Variants in KCTD2 observed in about 807,000 individuals in gnomAD.
KCTD2 encodes the protein potassium channel tetramerization domain containing 2.
A neutral mutation model predicts 27.9 loss-of-function variants in KCTD2; 18 were observed. That is an observed-to-expected ratio of 0.64 (90% CI 0.45 to 0.96). The LOEUF is 0.96. KCTD2 is among the 40% of genes least tolerant of loss of function. The pLI is 0.00. For synonymous variants in KCTD2, 175 were observed against 148.4 expected (o/e 1.18, Z -1.30); for missense variants, 280 against 348.0 (o/e 0.80, Z 1.56).
rs2144949459 is a variant in KCTD2, at chr17:75,065,855, G to C, written c.*2808G>C. 6.6e-6 allele frequency: 1 copy of C among 152,350 alleles called. No homozygotes were observed. The highest frequency in any genetic ancestry group is 2.4e-5 in the African/African-American group (1 of 41,580). 9.4% of individuals were successfully genotyped at this position (152,350 alleles called of 1,614,324 possible). On this transcript the variant is annotated 3_prime_UTR_variant, in exon 6 of 6. Transcript: ENST00000322444. Reference sequence around the variant, plus strand: ...TCTGAAATGCTGTGACTTTTTTTGTGTGAATAAAGATATGAAACTTCTGAA... The same window carrying C: ...TCTGAAATGCTGTGACTTTTTTTGTCTGAATAAAGATATGAAACTTCTGAA...
At chr17:75,036,976 T>C (rs2073107715) in intron 3 of KCTD2, among the ~76,000 whole-genome samples, 1 of 152,142 alleles carries the variant, frequency 6.6e-6, no homozygotes, top group South Asian at 2.1e-4. Flanking sequence ...ACCCAGGCTC[T>C]CCTCTGCTTA....
Position 75,059,619 on chromosome 17 carries a change from C to A in KCTD2, c.636+14C>A. On this transcript the variant is annotated intron_variant, in intron 4 of 5. Coordinates refer to ENST00000322444, the MANE Select transcript of KCTD2 (RefSeq NM_015353.3). The stretch of plus-strand genomic sequence containing the variant: ...AAATTCGAACAGGTACATCTCTTAA[C>A]AGAGCAGCAATCCCAGGCCCCGTTC... 4 of 1,603,420 alleles carry A rather than the reference C, an allele frequency of 2.5e-6. No individual in the cohort carries two copies. Among genetic ancestry groups the A allele is most frequent in the Non-Finnish European group, 3.4e-6 (4 of 1,170,768 alleles).
chr17:75,034,520 C>T (rs751275161), intron 2 of KCTD2, among the ~76,000 whole-genome samples: 34 of 152,284 alleles, frequency 2.2e-4, no homozygotes, highest in South Asian at 1.5e-3. Flanking sequence ...AGACGCTAAA[C>T]CCACGTGCTC....
rs12602540 is a variant in KCTD2 at position 75,064,016 on chromosome 17, G to A, written c.*969G>A. 0.094 allele frequency: 14,398 copies of A among 152,798 alleles called. 1,523 individuals are homozygous for A. The highest frequency in any genetic ancestry group is 0.62 in the East Asian group (3,197 of 5,174). 9.5% of individuals were successfully genotyped at this position (152,798 alleles called of 1,614,324 possible). ...AGAGAGTTATTTCTGTGACTCTCTTGGAAATGCCTTGACTGAATGTGCAAT... is the reference window on the plus strand; with the variant it reads ...AGAGAGTTATTTCTGTGACTCTCTTAGAAATGCCTTGACTGAATGTGCAAT... On this transcript the variant is annotated 3_prime_UTR_variant, in exon 6 of 6. Coordinates refer to ENST00000322444, the MANE Select transcript of KCTD2 (RefSeq NM_015353.3).
chr17:75,033,733 T>C (rs2040084998), intron 1 of KCTD2, among the ~76,000 whole-genome samples: 1 of 152,158 alleles, frequency 6.6e-6, no homozygotes, highest in South Asian at 2.1e-4. Flanking sequence ...TGGTGCTCGC[T>C]AAGTAAGGAT....
intron 3 of KCTD2, among the ~76,000 whole-genome samples, chr17:75,056,952 CTTTT>C (rs35875644): frequency 9.3e-6 from 1 of 107,992 alleles, no homozygotes; most frequent in African/African-American, 3.6e-5. Flanking sequence ...TTTCTTTTTT[CTTTT>C]TTTTTTTTTT....
At position 75,059,512 on chromosome 17, in the gene KCTD2, C is replaced by A; in HGVS notation, c.543C>A (p.Gly181=). Residue 181 remains glycine (G), a splice_region_variant and synonymous_variant, in exon 4 of 6, where the codon GGC becomes GGA. Coordinates refer to ENST00000322444, the MANE Select transcript of KCTD2 (RefSeq NM_015353.3). ...IRDNENRTSQ[G]PVKHVYRVLQ... is the part of the protein sequence containing the mutation. ...CAGTCTGCGCCTGGTCATTGCAGGG[C>A]CCCGTGAAGCACGTGTACAGAGTCC... The A allele has an allele frequency of 6.2e-7, 1 of 1,611,422 alleles. No individual in the cohort carries two copies. Among genetic ancestry groups the A allele is most frequent in the Non-Finnish European group, 8.5e-7 (1 of 1,178,268 alleles).
At chr17:75,061,964 T>TC (rs1167480162) in intron 4 of KCTD2, among the ~76,000 whole-genome samples, 156 bp from the exon 5 acceptor site, 1 of 151,928 alleles carries the variant, frequency 6.6e-6, no homozygotes, top group Non-Finnish European at 1.5e-5. Flanking sequence ...CAGGCCCATT[T>TC]CTCCCCGGGG....
At chr17:75,049,880 T>A (rs780446191) in intron 2 of KCTD2, among the ~76,000 whole-genome samples, 2 of 152,232 alleles carry the variant, frequency 1.3e-5, no homozygotes, top group Non-Finnish European at 2.9e-5. Flanking sequence ...GGACTATAAG[T>A]GGGTCTAGTC....
chr17:75,039,949 C>T, intron 3 of KCTD2: 2 of 831,076 alleles, frequency 2.4e-6, no homozygotes, highest in Non-Finnish European at 3.9e-6. Context: ...GAAATTCGTC[C>T]ATGTTGTTGC....
At chr17:75,044,023 C>CT (rs11312083), upstream of KCTD2, among the ~76,000 whole-genome samples, 795 of 127,690 alleles carry the variant, frequency 6.2e-3, 3 homozygotes, top group South Asian at 0.014. Flanking sequence ...ACGTTGTGCA[C>CT]TTTTTTTTTT....
At chr17:75,057,841 G>GTCC (rs1465540256) in intron 3 of KCTD2, among the ~76,000 whole-genome samples, 4 of 151,900 alleles carry the variant, frequency 2.6e-5, no homozygotes, top group Non-Finnish European at 5.9e-5. Context: ...GATTATAGGC[G>GTCC]TGAGTCACTG....
chr17:75,059,134 ATAATAATTT>A (rs2073379151), intron 3 of KCTD2: 1 of 151,900 alleles, frequency 6.6e-6, no homozygotes, highest in African/African-American at 2.4e-5. Flanking sequence ...ATAATAAATA[ATAATAATTT>A]TACCTTATTT....
At chr17:75,062,284 C>G in intron 5 of KCTD2, 39 bp downstream of exon 5, 2 of 1,587,616 alleles carry the variant, frequency 1.3e-6, no homozygotes, top group African/African-American at 2.7e-5. Flanking sequence ...CTCTGGCTTG[C>G]TTGTTCGCAC....
intron 4 of KCTD2, among the ~76,000 whole-genome samples, chr17:75,061,862 AC>A (rs1345138959): frequency 2.7e-5 from 4 of 149,886 alleles, no homozygotes; most frequent in African/African-American, 9.8e-5. Context: ...CCTGCCGCTG[AC>A]GGGGGGGGAC....
At chr17:75,053,194 G>C (rs976450315) in intron 3 of KCTD2, 89 bp downstream of exon 3, 1 of 988,978 alleles carries the variant, frequency 1.0e-6, no homozygotes, top group Non-Finnish European at 1.6e-6. Context: ...TTTACCCTTA[G>C]AGCTGGAGGT....
upstream of KCTD2, among the ~76,000 whole-genome samples, chr17:75,043,032 G>A (rs1303571669): frequency 1.3e-5 from 2 of 151,176 alleles, no homozygotes; most frequent in Non-Finnish European, 2.9e-5. Flanking sequence ...GACCAGCATG[G>A]CCAACATGGC....
intron 2 of KCTD2, among the ~76,000 whole-genome samples, chr17:75,034,422 C>T (rs772379208): frequency 6.6e-6 from 1 of 152,180 alleles, no homozygotes; most frequent in Non-Finnish European, 1.5e-5. Context: ...CGAGCACAGC[C>T]CCTCTCGACA....
upstream of KCTD2, among the ~76,000 whole-genome samples, chr17:75,044,485 G>A (rs537555331): frequency 2.5e-5 from 3 of 120,896 alleles, 1 homozygote; most frequent in South Asian, 5.2e-4. Context: ...GATTATAGGC[G>A]TGAGCCACCG....
Sources: gnomAD v4.1 joint callset for allele counts (sites outside exome capture counted in the v4.1 genomes callset) on GRCh38, gnomAD v4.1.1 for gene constraint, MANE v1.5 for transcripts, NCBI Gene and HGNC (gene_info 2026-07-23, HGNC 2026-07-21) for gene names.